Variants in ANKFY1 observed in about 807,000 individuals in gnomAD.
ANKFY1 encodes the protein ankyrin repeat and FYVE domain containing 1, also known as ankyrin repeat and FYVE domain-containing protein 1.
Under a neutral mutation model 128.3 loss-of-function variants are expected in ANKFY1, and 47 were observed. That is an observed-to-expected ratio of 0.37 (90% CI 0.29 to 0.47). ANKFY1 has a LOEUF of 0.47. Among genes scored for constraint, ANKFY1 ranks in the 20% least tolerant of loss-of-function variants. The probability of loss-of-function intolerance (pLI) is 1.00; values close to 1 mark genes in which losing one functional copy is unlikely to be tolerated. For synonymous variants in ANKFY1, 553 were observed against 601.6 expected, an observed-to-expected ratio of 0.92 and a Z score of 1.18; for missense variants, 1,222 against 1,510.6, an observed-to-expected ratio of 0.81 and a Z score of 3.17.
intron 14 of ANKFY1, 27 bp downstream of exon 14, chr17:4,183,371 T>C (rs757711327): frequency 6.2e-6 from 10 of 1,607,310 alleles, no homozygotes; most frequent in Non-Finnish European, 6.0e-6. Context: ...TACCTGGTGT[T>C]AGGTGGAGAG....
intron 1 of ANKFY1, among the ~76,000 whole-genome samples, chr17:4,260,187 T>C (rs192702166): frequency 6.6e-6 from 1 of 151,592 alleles, no homozygotes; most frequent in East Asian, 1.9e-4. Flanking sequence ...TTAAGAAGAG[T>C]AGGAGAGACA....
rs2059524149 is a variant in ANKFY1 at position 4,181,959 on chromosome 17, T to A, written c.2121+222A>T. On this transcript the variant is annotated intron_variant, in intron 15 of 24. Transcript: ENST00000341657. The surrounding 1 kb of genome is among the most constrained non-coding windows in gnomAD (Gnocchi z 4.9). Reference sequence around the variant, plus strand: ...TCCTGAGGAAACGCCGCCATTCTCTTGCTTCTTGGTAGTTTTCTTGGTAAA... The same window carrying A: ...TCCTGAGGAAACGCCGCCATTCTCTAGCTTCTTGGTAGTTTTCTTGGTAAA... 6.6e-6 allele frequency among the ~76,000 whole-genome samples: 1 copy of A among 152,224 alleles called. No homozygotes were observed. Among genetic ancestry groups the A allele is most frequent in the African/African-American group, 2.4e-5 (1 of 41,460 alleles).
chr17:4,173,510 C>T (rs1598008619), intron 20 of ANKFY1, 66 bp from the exon 21 acceptor site: 2 of 1,448,988 alleles, frequency 1.4e-6, no homozygotes, highest in South Asian at 1.2e-5. Flanking sequence ...CACTCCTCCT[C>T]ACCCTCACAG....
At chr17:4,172,868 G>C (rs1008021121) in intron 21 of ANKFY1, among the ~76,000 whole-genome samples, 188 bp from the exon 22 acceptor site, 9 of 152,118 alleles carry the variant, frequency 5.9e-5, no homozygotes, top group Non-Finnish European at 1.2e-4. Context: ...AAGTTTTTTT[G>C]TTTGTTTTTG....
chr17:4,165,085 A>C lies in ANKFY1; in HGVS notation c.*2694T>G, dbSNP rs1400347772. On this transcript the variant is annotated 3_prime_UTR_variant, in exon 25 of 25. Transcript: ENST00000341657. Reference sequence around the variant, plus strand: ...CAAAAGTCCTAAGTGTAGGCACTTAAGTTTATGGGAAATTTCGGTGTTAGA... The same window carrying C: ...CAAAAGTCCTAAGTGTAGGCACTTACGTTTATGGGAAATTTCGGTGTTAGA... 6.6e-6 allele frequency: 1 copy of C among 152,342 alleles called. No individual in the cohort carries two copies. Among genetic ancestry groups the C allele is most frequent in the South Asian group, 2.1e-4 (1 of 4,816 alleles). 9.4% of individuals were successfully genotyped at this position (152,342 alleles called of 1,614,324 possible).
intron 1 of ANKFY1, among the ~76,000 whole-genome samples, chr17:4,253,999 A>G (rs1276253508): frequency 6.6e-6 from 1 of 152,122 alleles, no homozygotes; most frequent in African/African-American, 2.4e-5. Context: ...GTAACTGTTC[A>G]TGTATCCTTG....
intron 1 of ANKFY1, 63 bp from the exon 2 acceptor site, chr17:4,242,511 T>C: frequency 1.4e-6 from 2 of 1,409,880 alleles, no homozygotes; most frequent in Non-Finnish European, 1.9e-6. Flanking sequence ...CATTCACTAA[T>C]CCCTCATCCC....
intron 1 of ANKFY1, among the ~76,000 whole-genome samples, chr17:4,257,364 C>A (rs565461080): frequency 2.1e-5 from 3 of 144,488 alleles, no homozygotes; most frequent in African/African-American, 7.3e-5. Context: ...CTGTCGCTAC[C>A]GTGGCTGATT....
chr17:4,175,450 T>C (rs1410260162), intron 19 of ANKFY1, among the ~76,000 whole-genome samples: 12 of 152,178 alleles, frequency 7.9e-5, no homozygotes, highest in Non-Finnish European at 1.5e-5. Context: ...AAGTTCGTCA[T>C]CCTCTTTCTG....
chr17:4,241,424 T>G (rs1967215697), intron 2 of ANKFY1, among the ~76,000 whole-genome samples: 1 of 151,766 alleles, frequency 6.6e-6, no homozygotes, highest in African/African-American at 2.4e-5. Context: ...GGACTACAGG[T>G]GCCCACCACC....
chr17:4,216,824 C>T, intron 4 of ANKFY1, 159 bp downstream of exon 4: 5 of 1,003,386 alleles, frequency 5.0e-6, no homozygotes, highest in East Asian at 2.6e-5. Context: ...CAAGATAACA[C>T]AAAGCAAGGG....
intron 6 of ANKFY1, 99 bp from the exon 7 acceptor site, chr17:4,206,585 A>T: frequency 8.7e-7 from 1 of 1,144,854 alleles, no homozygotes; most frequent in Non-Finnish European, 1.2e-6. Flanking sequence ...TCTTATACAA[A>T]TGTCAAATTT....
In ANKFY1 at chr17:4,212,069, G is replaced by C. The variant is rs544735942; in HGVS notation, c.459-2122C>G. Reference sequence around the variant, plus strand: ...TATGCCAGAATTCCTGGAAGCCTTAGGGAGTCTCCCATGAGACCAGGCCCA... The same window carrying C: ...TATGCCAGAATTCCTGGAAGCCTTACGGAGTCTCCCATGAGACCAGGCCCA... On this transcript the variant is annotated intron_variant, in intron 4 of 24. Transcript: ENST00000341657. Among the ~76,000 whole-genome samples the C allele has an allele frequency of 3.3e-5, 5 of 152,284 alleles. No individual in the cohort carries two copies. The South Asian group carries it at 8.3e-4, about 25-fold the overall frequency.
intron 1 of ANKFY1, among the ~76,000 whole-genome samples, chr17:4,253,165 G>A (rs1479213938): frequency 2.0e-5 from 3 of 152,114 alleles, no homozygotes; most frequent in Non-Finnish European, 4.4e-5. Context: ...AGGATGCAGT[G>A]AGCTGAGATC....
intron 3 of ANKFY1, chr17:4,223,792 T>A: frequency 4.6e-6 from 7 of 1,506,754 alleles, no homozygotes; most frequent in Non-Finnish European, 6.4e-6. Flanking sequence ...TGGTACAGTG[T>A]CTCACAGTTT....
intron 2 of ANKFY1, among the ~76,000 whole-genome samples, chr17:4,239,300 A>G (rs998677127): frequency 2.0e-5 from 3 of 152,200 alleles, no homozygotes; most frequent in Non-Finnish European, 2.9e-5. Context: ...TGTAACAGAA[A>G]AACATTAGGC....
intron 5 of ANKFY1, 99 bp downstream of exon 5, chr17:4,209,725 C>G: frequency 7.4e-7 from 1 of 1,354,708 alleles, no homozygotes; most frequent in Non-Finnish European, 1.0e-6. Context: ...AAGAGAAAAC[C>G]AGGTGCCAGA....
At chr17:4,172,218 A>G (rs182406883) in intron 22 of ANKFY1, among the ~76,000 whole-genome samples, 3 of 152,270 alleles carry the variant, frequency 2.0e-5, no homozygotes, top group African/African-American at 7.2e-5. Context: ...ATCCTGTGAG[A>G]TGCTTCTATT....
intron 1 of ANKFY1, among the ~76,000 whole-genome samples, chr17:4,256,920 G>A (rs748365181): frequency 1.2e-4 from 19 of 152,262 alleles, no homozygotes; most frequent in Non-Finnish European, 2.4e-4. Flanking sequence ...AATTGGGCTG[G>A]TTTCATAAGA....
Sources: gnomAD v4.1 joint callset for allele counts (sites outside exome capture counted in the v4.1 genomes callset) on GRCh38, gnomAD v4.1.1 for gene constraint, Gnocchi (gnomAD v3.1) non-coding constraint, MANE v1.5 for transcripts, NCBI Gene and HGNC (gene_info 2026-07-23, HGNC 2026-07-21) for gene names.